The following RELN variants were observed in gnomAD, a reference collection of about 807,000 sequenced individuals.
The protein encoded by RELN is reelin.
Under a neutral mutation model 427.6 loss-of-function variants are expected in RELN, and 108 were observed. The observed-to-expected ratio is 0.25, with a 90% CI of 0.22 to 0.30. The LOEUF (loss-of-function observed/expected upper bound fraction) is 0.30. Ranked by LOEUF, RELN falls within the 10% of genes least tolerant of loss-of-function variation. RELN has a pLI of 1.00. For missense variants in RELN, 3,715 were observed against 4,302.8 expected, an observed-to-expected ratio of 0.86 and a Z score of 3.82; for synonymous variants, 1,524 against 1,513.4, an observed-to-expected ratio of 1.01 and a Z score of -0.16.
chr7:103,524,024 A>G (rs566193431), intron 46 of RELN, among the ~76,000 whole-genome samples: 17 of 152,204 alleles, frequency 1.1e-4, no homozygotes, highest in Non-Finnish European at 2.5e-4. Flanking sequence ...TAGTCAAACC[A>G]AACCAACCAA....
At chr7:103,932,586 A>G (rs1795890171) in intron 1 of RELN, among the ~76,000 whole-genome samples, 1 of 152,244 alleles carries the variant, frequency 6.6e-6, no homozygotes, top group Admixed American at 6.5e-5. Context: ...GATTGGCAGC[A>G]CATGCTTCTG....
At chr7:103,724,316 C>T (rs1001008571) in intron 7 of RELN, among the ~76,000 whole-genome samples, 1 of 152,050 alleles carries the variant, frequency 6.6e-6, no homozygotes, top group Admixed American at 6.6e-5. Flanking sequence ...GCAGAAGGGT[C>T]AAGTGCTATA....
At chr7:103,810,569 C>G (rs1467897563) in intron 3 of RELN, among the ~76,000 whole-genome samples, 1 of 152,136 alleles carries the variant, frequency 6.6e-6, no homozygotes, top group Non-Finnish European at 1.5e-5. Flanking sequence ...ACACAGCAGG[C>G]CAGTGACAAG....
rs546877274 is a variant in RELN, at chr7:103,487,105, AGGGACATGGATGAAGCT to A, written c.9764-706_9764-690del. 3.9e-5 allele frequency among the ~76,000 whole-genome samples: 6 copies of A among 152,304 alleles called. No individual in the cohort carries two copies. The South Asian group carries it at 1.2e-3, about 32-fold the overall frequency. On this transcript the variant is annotated intron_variant, in intron 60 of 64. Transcript: ENST00000428762. The stretch of plus-strand genomic sequence containing the variant: ...AGAAGGATGAGTTCATGTCCTTTGC[AGGGACATGGATGAAGCT>A]GGAAACCATCATTCTCTGCAAACTA...
chr7:103,576,365 C>T (rs1831002406), intron 28 of RELN, among the ~76,000 whole-genome samples: 1 of 152,150 alleles, frequency 6.6e-6, no homozygotes, highest in Non-Finnish European at 1.5e-5. Context: ...GTCTCAAACT[C>T]CTGGCTTTAT....
At chr7:103,909,772 T>C (rs1221893895) in intron 2 of RELN, among the ~76,000 whole-genome samples, 1 of 90,668 alleles carries the variant, frequency 1.1e-5, no homozygotes, top group Non-Finnish European at 1.9e-5. Flanking sequence ...ATATATTTAA[T>C]ATATATAAAT....
intron 1 of RELN, among the ~76,000 whole-genome samples, chr7:103,964,908 G>A (rs1011868227): frequency 6.6e-6 from 1 of 152,140 alleles, no homozygotes; most frequent in Non-Finnish European, 1.5e-5. Flanking sequence ...AGTTAGGTGA[G>A]AATAACTTAG....
rs143396245 is a variant in RELN, at chr7:103,897,124, T to A, written c.337+19951A>T. Among the ~76,000 whole-genome samples, 37 of 152,198 alleles carry A rather than the reference T, an allele frequency of 2.4e-4. 1 individual carries two copies. Among genetic ancestry groups the A allele is most frequent in the African/African-American group, 8.2e-4 (34 of 41,534 alleles). ...GCATAGAAAAAACCCATCCCCATGA[T>A]TAAATTACCTCCCACTGGGTCCTTC... On this transcript the variant is annotated intron_variant, in intron 2 of 64. Coordinates refer to ENST00000428762, the MANE Select transcript of RELN (RefSeq NM_005045.4).
intron 60 of RELN, among the ~76,000 whole-genome samples, chr7:103,487,892 C>T (rs1332245380): frequency 6.6e-6 from 1 of 152,150 alleles, no homozygotes; most frequent in African/African-American, 2.4e-5. Context: ...GCCTGTAATT[C>T]CAGCACTTTG....
At chr7:103,730,642 G>T (rs558290583) in intron 6 of RELN, among the ~76,000 whole-genome samples, 17 of 152,134 alleles carry the variant, frequency 1.1e-4, no homozygotes, top group Non-Finnish European at 2.4e-4. Context: ...CCCTGCTGAA[G>T]AAACTAAAAG....
chr7:103,781,510 T>C (rs1353088243), intron 3 of RELN, among the ~76,000 whole-genome samples: 1 of 152,176 alleles, frequency 6.6e-6, no homozygotes, highest in Non-Finnish European at 1.5e-5. Flanking sequence ...TTACTTCCTA[T>C]AGTCATCGTT....
chr7:103,546,659 G>T (rs1584282936), intron 41 of RELN, among the ~76,000 whole-genome samples: 1 of 152,084 alleles, frequency 6.6e-6, no homozygotes, highest in East Asian at 1.9e-4. Context: ...TCCTCTATTG[G>T]CTGTGAGCTC....
intron 1 of RELN, among the ~76,000 whole-genome samples, chr7:103,920,353 A>AT (rs1387387572): frequency 6.6e-6 from 1 of 152,176 alleles, no homozygotes; most frequent in Non-Finnish European, 1.5e-5. Context: ...CTATTGGGCT[A>AT]TATGTGTCTA....
At chr7:103,670,528 G>A (rs1348040019) in intron 11 of RELN, among the ~76,000 whole-genome samples, 1 of 104,844 alleles carries the variant, frequency 9.5e-6, no homozygotes, top group African/African-American at 3.5e-5. Context: ...TGTGATTCTA[G>A]TGTTTTGCGG....
chr7:103,742,994 G>A (rs1790709593), intron 6 of RELN, among the ~76,000 whole-genome samples: 1 of 150,662 alleles, frequency 6.6e-6, no homozygotes, highest in South Asian at 2.1e-4. Context: ...AGGAAAAAAT[G>A]TTAAGGGCAG....
At chr7:103,944,762 C>T (rs940719271) in intron 1 of RELN, among the ~76,000 whole-genome samples, 1 of 152,070 alleles carries the variant, frequency 6.6e-6, no homozygotes, top group South Asian at 2.1e-4. Flanking sequence ...AGCCACTCAC[C>T]CCTGGTGTTT....
At chr7:103,671,458 C>G (rs921408414) in intron 11 of RELN, among the ~76,000 whole-genome samples, 2 of 152,068 alleles carry the variant, frequency 1.3e-5, no homozygotes, top group African/African-American at 4.8e-5. Flanking sequence ...TAATAAGACA[C>G]TAATATAACC....
intron 11 of RELN, among the ~76,000 whole-genome samples, chr7:103,677,422 TAATA>T (rs968573365): frequency 9.7e-5 from 14 of 144,336 alleles, no homozygotes; most frequent in African/African-American, 3.6e-4. Flanking sequence ...ATAATAATAA[TAATA>T]ATAATAATAA....
At chr7:103,758,514 T>C (rs752470703) in intron 4 of RELN, among the ~76,000 whole-genome samples, 4 of 151,948 alleles carry the variant, frequency 2.6e-5, no homozygotes, top group Non-Finnish European at 5.9e-5. Context: ...CTACTTTGAC[T>C]TGTTTTTAGT....
Sources: allele counts gnomAD v4.1 joint callset (sites outside exome capture counted in the v4.1 genomes callset), GRCh38; gene constraint gnomAD v4.1.1; transcripts MANE v1.5; gene names NCBI Gene and HGNC (gene_info 2026-07-23, HGNC 2026-07-21).